SLC30A8: variants seen among roughly 807,000 people sequenced by gnomAD.
The protein encoded by SLC30A8 is solute carrier family 30 member 8, also known as proton-coupled zinc antiporter SLC30A8.
A neutral mutation model predicts 36.9 loss-of-function variants in SLC30A8; 27 were observed. The ratio of observed to expected loss-of-function variants is 0.73; its 90% CI spans 0.54 to 1.01. The LOEUF (loss-of-function observed/expected upper bound fraction) is 1.01. Ranked by LOEUF, SLC30A8 falls within the 50% of genes least tolerant of loss-of-function variation. SLC30A8 has a pLI of 0.00. For synonymous variants in SLC30A8, 164 were observed against 172.4 expected (o/e 0.95, Z 0.38); for missense variants, 439 against 452.0 (o/e 0.97, Z 0.26).
chr8:116,984,903 G>A (rs1199641746), intron 1 of SLC30A8, among the ~76,000 whole-genome samples: 1 of 151,390 alleles, frequency 6.6e-6, no homozygotes, highest in Non-Finnish European at 1.5e-5. Flanking sequence ...TGTGCTTTTG[G>A]TGTCAAGACT....
chr8:116,980,667 G>A (rs1397639509), intron 1 of SLC30A8, among the ~76,000 whole-genome samples: 2 of 152,158 alleles, frequency 1.3e-5, no homozygotes, highest in Admixed American at 1.3e-4. Flanking sequence ...TCTACAACTG[G>A]AAAGGGGAAT....
intron 6 of SLC30A8, among the ~76,000 whole-genome samples, chr8:117,165,257 A>C (rs1359569289): frequency 6.6e-6 from 1 of 152,216 alleles, no homozygotes; most frequent in African/African-American, 2.4e-5. Flanking sequence ...GATTAGATGA[A>C]ATAAATGGCA....
intron 1 of SLC30A8, among the ~76,000 whole-genome samples, chr8:116,954,703 G>T (rs1427537135): frequency 1.3e-5 from 2 of 152,166 alleles, no homozygotes; most frequent in African/African-American, 4.8e-5. Flanking sequence ...CAAATAGTTT[G>T]GTTTTTAAGA....
intron 1 of SLC30A8, among the ~76,000 whole-genome samples, chr8:116,980,446 T>C (rs139542745): frequency 7.7e-4 from 117 of 152,282 alleles, no homozygotes; most frequent in Non-Finnish European, 1.3e-3. Context: ...CAGGAAGTTC[T>C]GGAGCAGAAA....
chr8:116,993,988 C>G (rs1164399958), intron 1 of SLC30A8, among the ~76,000 whole-genome samples: 3 of 151,528 alleles, frequency 2.0e-5, no homozygotes, highest in African/African-American at 7.3e-5. Context: ...CATTTCTATA[C>G]TTACTAGAGA....
chr8:117,045,618 A>G (rs1199495425), intron 2 of SLC30A8, among the ~76,000 whole-genome samples: 2 of 152,094 alleles, frequency 1.3e-5, no homozygotes, highest in African/African-American at 2.4e-5. Context: ...TCCCACTCCC[A>G]TATTTGAAGA....
At chr8:117,025,333 C>T (rs1586414146) in intron 1 of SLC30A8, among the ~76,000 whole-genome samples, 1 of 152,050 alleles carries the variant, frequency 6.6e-6, no homozygotes, top group South Asian at 2.1e-4. Context: ...CTTCTCAGAA[C>T]TTTTATGCAT....
intron 2 of SLC30A8, among the ~76,000 whole-genome samples, chr8:117,040,520 T>G (rs899711952): frequency 2.6e-5 from 4 of 152,182 alleles, no homozygotes; most frequent in Non-Finnish European, 5.9e-5. Context: ...AAATATATAG[T>G]TGGAAAGTGA....
intron 1 of SLC30A8, chr8:117,006,989 A>G (rs1162965984): frequency 4.5e-5 from 3 of 66,600 alleles, no homozygotes; most frequent in Admixed American, 2.2e-4. Context: ...TTTTTTCTGT[A>G]GAGACAGCAT....
intron 1 of SLC30A8, among the ~76,000 whole-genome samples, chr8:116,962,327 T>C (rs1159509208): frequency 6.6e-6 from 1 of 152,012 alleles, no homozygotes; most frequent in East Asian, 1.9e-4. Flanking sequence ...TGTAGGCCGA[T>C]CCTAAGTTAT....
chr8:117,071,489 A>T (rs972340016), intron 2 of SLC30A8, among the ~76,000 whole-genome samples: 4 of 151,966 alleles, frequency 2.6e-5, no homozygotes, highest in Non-Finnish European at 5.9e-5. Context: ...ATATTCTCTC[A>T]TTTTGTGGAT....
In SLC30A8 at chr8:117,014,866, C is replaced by T. The variant is rs937331163; in HGVS notation, c.-265-24353C>T. On this transcript the variant is annotated intron_variant, in intron 1 of 10. Coordinates refer to the SLC30A8 transcript ENST00000427715. ...GATGGATTTGAGGTTTGTCTTCTGT[C>T]TCTCTGGCTGATGTCACATGAATAA... Among the ~76,000 whole-genome samples, 4 of 152,124 alleles carry T rather than the reference C, an allele frequency of 2.6e-5. 1 individual carries two copies. Among genetic ancestry groups the T allele is most frequent in the Admixed American group, 2.6e-4 (4 of 15,266 alleles).
At position 117,067,005 on chromosome 8, in the gene SLC30A8, G is replaced by A. The variant is rs1818188990; in HGVS notation, c.-226+27747G>A. ...TTGACTTACAGTTCAGCATGGCTGG[G>A]GAGGTCTCAAGAAACTTACAATCAT... On this transcript the variant is annotated intron_variant, in intron 2 of 10. Coordinates refer to the SLC30A8 transcript ENST00000427715. Among the ~76,000 whole-genome samples, 3 of 152,142 alleles carry A rather than the reference G, an allele frequency of 2.0e-5. No individual in the cohort carries two copies. The South Asian group carries it at 6.2e-4, about 32-fold the overall frequency.
intron 6 of SLC30A8, among the ~76,000 whole-genome samples, chr8:117,165,503 T>A (rs1209235196): frequency 6.6e-6 from 1 of 152,170 alleles, no homozygotes; most frequent in Non-Finnish European, 1.5e-5. Flanking sequence ...TCAGAATAAA[T>A]CCATCTTCAT....
intron 2 of SLC30A8, among the ~76,000 whole-genome samples, chr8:117,084,684 C>A (rs1818804243): frequency 6.6e-6 from 1 of 151,990 alleles, no homozygotes. Context: ...AACTGTCACT[C>A]TAAGTGGGTG....
intron 1 of SLC30A8, among the ~76,000 whole-genome samples, chr8:116,968,309 A>G (rs535039442): frequency 6.6e-6 from 1 of 150,542 alleles, no homozygotes; most frequent in East Asian, 1.9e-4. Context: ...GCTTATAGCT[A>G]TACTATAATA....
chr8:117,151,676 G>A (rs1229755565), intron 2 of SLC30A8, among the ~76,000 whole-genome samples: 3 of 152,156 alleles, frequency 2.0e-5, no homozygotes, highest in African/African-American at 7.2e-5. Context: ...TTTCAGCCCA[G>A]CACATAGAAT....
At chr8:117,135,735 T>C (rs1297801588) in intron 1 of SLC30A8, among the ~76,000 whole-genome samples, 3 of 151,870 alleles carry the variant, frequency 2.0e-5, no homozygotes, top group Non-Finnish European at 2.9e-5. Flanking sequence ...AATTTTATTA[T>C]ATTATATTTA....
At chr8:117,074,926 C>T (rs576172604) in intron 2 of SLC30A8, among the ~76,000 whole-genome samples, 32 of 152,024 alleles carry the variant, frequency 2.1e-4, no homozygotes, top group Non-Finnish European at 4.0e-4. Context: ...GAGAAACAAA[C>T]GGTACATGAT....
Sources: gnomAD v4.1 joint callset for allele counts (sites outside exome capture counted in the v4.1 genomes callset) on GRCh38, gnomAD v4.1.1 for gene constraint, MANE v1.5 for transcripts, NCBI Gene and HGNC (gene_info 2026-07-23, HGNC 2026-07-21) for gene names.